Variants in MAGI2 observed in about 807,000 individuals in gnomAD.
MAGI2 encodes the protein membrane associated guanylate kinase, WW and PDZ domain containing 2, also known as membrane-associated guanylate kinase, WW and PDZ domain-containing protein 2.
MAGI2 carries 35 observed loss-of-function variants against 133.3 expected under a neutral mutation model. The observed-to-expected ratio is 0.26, with a 90% CI of 0.20 to 0.35. The LOEUF is 0.35. MAGI2 is among the 10% of genes least tolerant of loss of function. The probability of loss-of-function intolerance (pLI) is 1.00; values close to 1 mark genes in which losing one functional copy is unlikely to be tolerated. For synonymous variants in MAGI2, 729 were observed against 710.6 expected (o/e 1.03, Z -0.41); for missense variants, 1,636 against 1,863.4 (o/e 0.88, Z 2.25).
Position 78,680,886 on chromosome 7 carries a change from T to G in MAGI2, c.419-53647A>C, listed in dbSNP as rs544168514. Among the ~76,000 whole-genome samples, 48 of 152,264 alleles carry G rather than the reference T, an allele frequency of 3.2e-4. No homozygotes were observed. The South Asian group carries it at 9.3e-3, about 30-fold the overall frequency. ...GGGCTGGGATAAGCACTAAGCTCAA[T>G]GGATCTTGATGGAGGCTCATGCTTA... On this transcript the variant is annotated intron_variant, in intron 2 of 21. Transcript: ENST00000354212.
At chr7:78,475,861 T>C (rs531963475) in intron 6 of MAGI2, among the ~76,000 whole-genome samples, 26 of 151,932 alleles carry the variant, frequency 1.7e-4, no homozygotes, top group Non-Finnish European at 3.1e-4. Flanking sequence ...ATCCAGCCCA[T>C]CTTTAAAATT....
chr7:78,418,645 T>C (rs1435915413), intron 6 of MAGI2, among the ~76,000 whole-genome samples: 2 of 152,144 alleles, frequency 1.3e-5, no homozygotes, highest in African/African-American at 4.8e-5. Flanking sequence ...GCTGCTCTTT[T>C]GGACAGTACA....
intron 9 of MAGI2, among the ~76,000 whole-genome samples, chr7:78,293,396 C>T (rs1398576705): frequency 3.3e-5 from 5 of 152,194 alleles, no homozygotes; most frequent in Non-Finnish European, 5.9e-5. Flanking sequence ...TACCATCTCA[C>T]ACCAGTTAGA....
intron 9 of MAGI2, among the ~76,000 whole-genome samples, chr7:78,289,818 T>C (rs1381602602): frequency 6.6e-6 from 1 of 152,140 alleles, no homozygotes; most frequent in African/African-American, 2.4e-5. Context: ...TCTTAAAGAA[T>C]TTTCAACCCA....
chr7:78,859,819 T>A (rs1249823009), intron 2 of MAGI2, among the ~76,000 whole-genome samples: 1 of 152,228 alleles, frequency 6.6e-6, no homozygotes, highest in African/African-American at 2.4e-5. Flanking sequence ...TCCTGGATAG[T>A]ATCCTGAAGA....
At chr7:78,335,291 C>T (rs74886049) in intron 9 of MAGI2, among the ~76,000 whole-genome samples, 1,665 of 152,246 alleles carry the variant, frequency 0.011, 26 homozygotes, top group African/African-American at 0.038. Context: ...CATGGAAGAT[C>T]GGCTTGGCCA....
intron 1 of MAGI2, among the ~76,000 whole-genome samples, chr7:79,295,489 T>C (rs555760387): frequency 2.6e-4 from 39 of 152,296 alleles, no homozygotes; most frequent in African/African-American, 9.4e-4. Flanking sequence ...CATATTATAT[T>C]TGCTAAATAT....
chr7:79,407,996 T>G (rs1845921785), intron 1 of MAGI2, among the ~76,000 whole-genome samples: 2 of 152,176 alleles, frequency 1.3e-5, no homozygotes, highest in Non-Finnish European at 2.9e-5. Context: ...AAATGATATT[T>G]GTACAATTAA....
At chr7:78,569,237 T>TTTCA (rs1423368435) in intron 3 of MAGI2, among the ~76,000 whole-genome samples, 2 of 152,196 alleles carry the variant, frequency 1.3e-5, no homozygotes, top group African/African-American at 4.8e-5. Flanking sequence ...TTATATAGTG[T>TTTCA]TTCATTTCTT....
rs567141796 is a variant in MAGI2, at chr7:79,039,013, G to A, written c.302-31807C>T. 4.6e-5 allele frequency among the ~76,000 whole-genome samples: 7 copies of A among 152,228 alleles called. No individual in the cohort carries two copies. The East Asian group carries it at 1.2e-3, about 25-fold the overall frequency. ...TAAATTGCTTTTCAATATCTGTATC[G>A]TTTGGCTGTGCCCCCACCCACTCAT... On this transcript the variant is annotated intron_variant, in intron 1 of 21. Transcript: ENST00000354212.
intron 16 of MAGI2, among the ~76,000 whole-genome samples, chr7:78,146,553 G>A (rs1033954127): frequency 6.6e-6 from 1 of 152,106 alleles, no homozygotes; most frequent in African/African-American, 2.4e-5. Context: ...AGGACAACTT[G>A]TTTCTTTTCA....
At chr7:79,161,140 A>G (rs1380372319) in intron 1 of MAGI2, among the ~76,000 whole-genome samples, 1 of 152,002 alleles carries the variant, frequency 6.6e-6, no homozygotes, top group African/African-American at 2.4e-5. Context: ...GGTAGTTGTA[A>G]CCCCTTTACC....
Position 78,591,552 on chromosome 7 carries a change from C to T in MAGI2, c.538+35568G>A, listed in dbSNP as rs118042611. Among the ~76,000 whole-genome samples, 1,392 of 152,326 alleles carry T rather than the reference C, an allele frequency of 9.1e-3. 11 individuals are homozygous for T. Among genetic ancestry groups the T allele is most frequent in the Admixed American group, 0.014 (208 of 15,304 alleles). On this transcript the variant is annotated intron_variant, in intron 3 of 21. Coordinates refer to ENST00000354212, the MANE Select transcript of MAGI2 (RefSeq NM_012301.4). ...TATGATGCCAATGGCGGAGCCCTAACATCCACGTAGCCTCTAGCTAAGGAA... is the reference window on the plus strand; with the variant it reads ...TATGATGCCAATGGCGGAGCCCTAATATCCACGTAGCCTCTAGCTAAGGAA...
intron 9 of MAGI2, among the ~76,000 whole-genome samples, chr7:78,315,365 CCAG>C (rs1787307637): frequency 6.6e-6 from 1 of 152,094 alleles, no homozygotes; most frequent in Non-Finnish European, 1.5e-5. Flanking sequence ...TGCCATTTTC[CCAG>C]AAATAAGAAT....
rs182033513 is a variant in MAGI2 at position 79,295,992 on chromosome 7, C to T, written c.301+157028G>A. 1.5e-3 allele frequency among the ~76,000 whole-genome samples: 235 copies of T among 152,174 alleles called. 1 individual carries two copies. Among genetic ancestry groups the T allele is most frequent in the African/African-American group, 5.2e-3 (215 of 41,518 alleles). ...TTCTAGTGAAAATGAAAACAGAAAA[C>T]AAGAAAAGTGAAACTATTCCTAAAA... On this transcript the variant is annotated intron_variant, in intron 1 of 21. Coordinates refer to ENST00000354212, the MANE Select transcript of MAGI2 (RefSeq NM_012301.4).
intron 10 of MAGI2, among the ~76,000 whole-genome samples, chr7:78,204,855 C>G (rs1829586949): frequency 6.6e-6 from 1 of 152,102 alleles, no homozygotes; most frequent in African/African-American, 2.4e-5. Context: ...AATATAGAAA[C>G]TAGATGCATT....
intron 2 of MAGI2, among the ~76,000 whole-genome samples, chr7:78,881,331 G>C (rs2151544107): frequency 6.7e-6 from 1 of 148,478 alleles, no homozygotes. Context: ...CATAAAGCAA[G>C]TCTCAATAAA....
intron 1 of MAGI2, among the ~76,000 whole-genome samples, chr7:79,396,179 C>T (rs1322761712): frequency 6.6e-5 from 10 of 152,042 alleles, no homozygotes; most frequent in Admixed American, 6.6e-4. Context: ...TGCCAGCATC[C>T]TTTGCAGTTA....
chr7:78,444,131 G>C lies in MAGI2; in HGVS notation c.1045+45630C>G, dbSNP rs114619537. Among the ~76,000 whole-genome samples, 942 of 152,144 alleles carry C rather than the reference G, an allele frequency of 6.2e-3. 9 individuals carry two copies. Among genetic ancestry groups the C allele is most frequent in the African/African-American group, 0.022 (897 of 41,516 alleles). On this transcript the variant is annotated intron_variant, in intron 6 of 21. Transcript: ENST00000354212. ...ACTCTCTGTTCAGGGTTGAGCTTTAGTCAGAACACTGAACGGGAACCTTCA... is the reference window on the plus strand; with the variant it reads ...ACTCTCTGTTCAGGGTTGAGCTTTACTCAGAACACTGAACGGGAACCTTCA...
Sources: gnomAD v4.1 joint callset for allele counts (sites outside exome capture counted in the v4.1 genomes callset) on GRCh38, gnomAD v4.1.1 for gene constraint, MANE v1.5 for transcripts, NCBI Gene and HGNC (gene_info 2026-07-23, HGNC 2026-07-21) for gene names.